The following GRM8 variants were observed in gnomAD, a reference collection of about 807,000 sequenced individuals.
The protein encoded by GRM8 is glutamate metabotropic receptor 8.
Under a neutral mutation model 87.2 loss-of-function variants are expected in GRM8, and 47 were observed. The ratio of observed to expected loss-of-function variants is 0.54; its 90% CI spans 0.43 to 0.69. The LOEUF is 0.69. GRM8 is among the 30% of genes least tolerant of loss of function. The probability of loss-of-function intolerance (pLI) is 0.00; values close to 1 mark genes in which losing one functional copy is unlikely to be tolerated. For synonymous variants in GRM8, 396 were observed against 404.5 expected (o/e 0.98, Z 0.25); for missense variants, 1,019 against 1,139.2 (o/e 0.89, Z 1.52).
intron 2 of GRM8, among the ~76,000 whole-genome samples, chr7:127,221,450 TA>T (rs1375824353): frequency 1.3e-5 from 2 of 152,218 alleles, no homozygotes; most frequent in East Asian, 3.9e-4. Flanking sequence ...CTTGCCCAAG[TA>T]TGCCCGGGAA....
intron 10 of GRM8, among the ~76,000 whole-genome samples, chr7:126,440,993 T>A (rs1231817828): frequency 6.6e-6 from 1 of 152,102 alleles, no homozygotes; most frequent in Non-Finnish European, 1.5e-5. Context: ...TTTGCACATA[T>A]GTAAAATGAA....
chr7:127,244,888 C>T (rs1798502899), intron 1 of GRM8, among the ~76,000 whole-genome samples: 1 of 152,190 alleles, frequency 6.6e-6, no homozygotes, highest in African/African-American at 2.4e-5. Flanking sequence ...GCCTAGCCAG[C>T]CAATGGCCCA....
intron 8 of GRM8, among the ~76,000 whole-genome samples, chr7:126,559,083 T>C (rs1793434144): frequency 6.6e-6 from 1 of 151,498 alleles, no homozygotes; most frequent in South Asian, 2.1e-4. Flanking sequence ...GGGCTCCAGA[T>C]GGCTGGAAAG....
rs1817640477 is a variant in GRM8, at chr7:127,034,159, T to C, written c.727+72337A>G. ...TACATATAAATACATTTTCTTTTCATGTACTTTAATTTAGGAGTTGCAAAC... is the reference window on the plus strand; with the variant it reads ...TACATATAAATACATTTTCTTTTCACGTACTTTAATTTAGGAGTTGCAAAC... On this transcript the variant is annotated intron_variant, in intron 3 of 10. Transcript: ENST00000339582. Among the ~76,000 whole-genome samples the C allele has an allele frequency of 3.3e-5, 5 of 152,202 alleles. No homozygotes were observed. In the South Asian group the frequency reaches 8.3e-4, roughly 25 times the overall value.
chr7:126,978,253 T>C (rs1811203279), intron 3 of GRM8, among the ~76,000 whole-genome samples: 1 of 151,370 alleles, frequency 6.6e-6, no homozygotes, highest in Non-Finnish European at 1.5e-5. Context: ...GAGAAGAGAA[T>C]CTGTATAAAA....
chr7:126,683,369 T>C (rs905003441), intron 7 of GRM8, among the ~76,000 whole-genome samples: 23 of 152,366 alleles, frequency 1.5e-4, no homozygotes, highest in African/African-American at 5.5e-4. Context: ...TCATTCCCAA[T>C]GAAGCCTCTG....
chr7:126,893,462 AT>A (rs550770971), intron 6 of GRM8, among the ~76,000 whole-genome samples: 263 of 152,144 alleles, frequency 1.7e-3, no homozygotes, highest in African/African-American at 5.8e-3. Flanking sequence ...TTATTAAAAA[AT>A]ATCATTCCAA....
intron 8 of GRM8, among the ~76,000 whole-genome samples, chr7:126,575,339 C>G (rs1795019894): frequency 6.6e-6 from 1 of 151,510 alleles, no homozygotes; most frequent in Non-Finnish European, 1.5e-5. Context: ...TCTGTAGTTG[C>G]AGGAAAATAA....
intron 6 of GRM8, among the ~76,000 whole-genome samples, chr7:126,875,807 T>C (rs3896257): frequency 6.6e-6 from 1 of 152,030 alleles, no homozygotes; most frequent in African/African-American, 2.4e-5. Flanking sequence ...ATCTCACCAA[T>C]CCCAGATTAC....
At chr7:126,616,992 T>C (rs1386316243) in intron 7 of GRM8, among the ~76,000 whole-genome samples, 4 of 152,008 alleles carry the variant, frequency 2.6e-5, no homozygotes, top group Non-Finnish European at 4.4e-5. Context: ...TTCCAATCAA[T>C]AGAAAAAGAG....
chr7:127,232,466 T>A (rs143187925), intron 2 of GRM8, among the ~76,000 whole-genome samples: 1 of 152,144 alleles, frequency 6.6e-6, no homozygotes, highest in Non-Finnish European at 1.5e-5. Flanking sequence ...CCCAAGCTGG[T>A]CTTGAACTCC....
At chr7:126,778,376 A>C (rs2151631881) in intron 6 of GRM8, among the ~76,000 whole-genome samples, 1 of 152,284 alleles carries the variant, frequency 6.6e-6, no homozygotes, top group Non-Finnish European at 1.5e-5. Flanking sequence ...TGTCCCCTTC[A>C]GGTATTAAAA....
chr7:127,095,587 ATTCT>A (rs1824571656), intron 3 of GRM8: 1 of 152,180 alleles, frequency 6.6e-6, no homozygotes, highest in East Asian at 1.9e-4. Flanking sequence ...AACTTTTTGC[ATTCT>A]TTATTTCCTT....
intron 2 of GRM8, among the ~76,000 whole-genome samples, chr7:127,139,838 A>T (rs1276167845): frequency 6.6e-6 from 1 of 152,156 alleles, no homozygotes; most frequent in African/African-American, 2.4e-5. Context: ...TGGAAAGGCC[A>T]TGTGATCCCT....
At chr7:127,177,949 C>A (rs1200889957) in intron 2 of GRM8, among the ~76,000 whole-genome samples, 6 of 152,122 alleles carry the variant, frequency 3.9e-5, no homozygotes, top group Admixed American at 3.9e-4. Context: ...CTCTTCAACA[C>A]CCACAAAAAA....
At chr7:127,193,191 T>C (rs777754183) in intron 2 of GRM8, among the ~76,000 whole-genome samples, 11 of 152,238 alleles carry the variant, frequency 7.2e-5, no homozygotes, top group Non-Finnish European at 1.3e-4. Context: ...AACACAAATT[T>C]GTTTTTATGC....
chr7:126,508,002 G>C (rs1001526539), intron 9 of GRM8, among the ~76,000 whole-genome samples: 1 of 151,922 alleles, frequency 6.6e-6, no homozygotes, highest in Non-Finnish European at 1.5e-5. Flanking sequence ...AAAGTAATGA[G>C]TAAGTACCTG....
At chr7:126,530,072 G>A (rs1814560535) in intron 9 of GRM8, among the ~76,000 whole-genome samples, 1 of 152,160 alleles carries the variant, frequency 6.6e-6, no homozygotes, top group Non-Finnish European at 1.5e-5. Context: ...ATATATCATT[G>A]AATAAAGGCA....
At chr7:126,458,698 A>G (rs1383093953) in intron 9 of GRM8, among the ~76,000 whole-genome samples, 2 of 151,280 alleles carry the variant, frequency 1.3e-5, no homozygotes, top group Non-Finnish European at 3.0e-5. Context: ...TTATCCAGCA[A>G]CAAAAATAAA....
Sources: gnomAD v4.1 joint callset for allele counts (sites outside exome capture counted in the v4.1 genomes callset) on GRCh38, gnomAD v4.1.1 for gene constraint, MANE v1.5 for transcripts, NCBI Gene and HGNC (gene_info 2026-07-23, HGNC 2026-07-21) for gene names.